The following NEIL2 variants were observed in gnomAD, a reference collection of about 807,000 sequenced individuals.
NEIL2 encodes nei like DNA glycosylase 2, also known as endonuclease 8-like 2.
In NEIL2, 23 loss-of-function variants were observed where a neutral mutation model predicts 22.2. That is an observed-to-expected ratio of 1.04 (90% CI 0.75 to 1.47). The LOEUF is 1.47. Among genes scored for constraint, NEIL2 ranks in the 40% most tolerant of loss-of-function variants. The probability of loss-of-function intolerance (pLI) is 0.00; values close to 1 mark genes in which losing one functional copy is unlikely to be tolerated. For missense variants in NEIL2, 583 were observed against 404.7 expected, an observed-to-expected ratio of 1.44 and a Z score of -3.78; for synonymous variants, 229 against 164.8, an observed-to-expected ratio of 1.39 and a Z score of -2.99.
intron 2 of NEIL2, among the ~76,000 whole-genome samples, chr8:11,778,072 G>C (rs114438749): frequency 6.6e-6 from 1 of 152,194 alleles, no homozygotes; most frequent in East Asian, 1.9e-4. Flanking sequence ...GTGAATTGAA[G>C]TGGCTGCAGT....
Position 11,779,835 on chromosome 8 carries a change from G to A in NEIL2, c.376G>A (p.Asp126Asn). 1 of 1,614,202 alleles carries A rather than the reference G, an allele frequency of 6.2e-7. No homozygotes were observed. The highest frequency in any genetic ancestry group is 1.3e-5 in the African/African-American group (1 of 75,060). ...TTTGGAGAGAGACGCCCCTGCAGGA[G>A]ATGCTGGGAGGTGGCTGCGTGTCAG... ...EYLERDAPAG[D>N]AGRWLRVSFG... is the part of the protein sequence containing the mutation. The change falls in exon 3 of 5, where the codon GAT (aspartate) becomes AAT (asparagine). Residue 126 changes from aspartate (D) to asparagine (N), a missense_variant. Transcript: ENST00000284503.
rs1804222921 is a variant in NEIL2, at chr8:11,779,679, C to T, written c.220C>T (p.Pro74Ser). ...TGGCAGCAGCCCAACACCAGAGCCT[C>T]CACAAAAAGAAGTGCAGAAGGAAGG... ...PPGSSPTPEPPQKEVQKEGAA... is the reference protein window; with the variant it reads ...PPGSSPTPEPSQKEVQKEGAA... The change falls in exon 3 of 5, where the codon CCA becomes TCA. Residue 74 changes from proline (P) to serine (S), a missense_variant. Physicochemically the swap from Pro to Ser is moderately conservative, Grantham distance 74 (BLOSUM62 -1). Coordinates refer to ENST00000284503, the MANE Select transcript of NEIL2 (RefSeq NM_145043.4). 1 of 1,613,914 alleles carries T rather than the reference C, an allele frequency of 6.2e-7. No homozygotes were observed. The highest frequency in any genetic ancestry group is 8.5e-7 in the Non-Finnish European group (1 of 1,179,960).
intron 2 of NEIL2, among the ~76,000 whole-genome samples, chr8:11,772,374 G>A (rs1043774009): frequency 1.3e-5 from 2 of 152,146 alleles, no homozygotes; most frequent in Non-Finnish European, 2.9e-5. Context: ...TCTTCTTAGT[G>A]TTTCTGTCCG....
In NEIL2 at chr8:11,779,640, G is replaced by C. The variant is rs1804217130; in HGVS notation, c.181G>C (p.Glu61Gln). 18 of 1,613,558 alleles carry C rather than the reference G, an allele frequency of 1.1e-5. No individual in the cohort carries two copies. The highest frequency in any genetic ancestry group is 1.4e-5 in the Non-Finnish European group (17 of 1,179,950). The change falls in exon 3 of 5, where the codon GAA (glutamate) becomes CAA (glutamine). Residue 61 changes from glutamate (E) to glutamine (Q), a missense_variant. By Grantham distance (29) the Glu-to-Gln change is conservative (BLOSUM62 2). Coordinates refer to ENST00000284503, the MANE Select transcript of NEIL2 (RefSeq NM_145043.4). ...KLFLRFDLDE[E>Q]MGPPGSSPTP... is the part of the protein sequence containing the mutation. ...ATTCCTTAGATTTGATCTAGATGAAGAAATGGGGCCCCCTGGCAGCAGCCC... is the reference window on the plus strand; with the variant it reads ...ATTCCTTAGATTTGATCTAGATGAACAAATGGGGCCCCCTGGCAGCAGCCC...
In NEIL2 at chr8:11,779,784, C is replaced by T. The variant is rs1318474214; in HGVS notation, c.325C>T (p.Pro109Ser). The T allele has an allele frequency of 1.2e-6, 2 of 1,614,092 alleles. No individual in the cohort carries two copies. Among genetic ancestry groups the T allele is most frequent in the Non-Finnish European group, 1.7e-6 (2 of 1,180,052 alleles). ...ATCCTCACGGTCTGCAGAGCTCGTC[C>T]CCCAGGGCGAGGATGATTCTGAGTA... ...DGSSRSAELV[P>S]QGEDDSEYLE... is the part of the protein sequence containing the mutation. The change falls in exon 3 of 5, where the codon CCC becomes TCC. Residue 109 changes from proline to serine, a missense_variant. By Grantham distance (74) the Pro-to-Ser change is moderately conservative (BLOSUM62 -1). Transcript: ENST00000284503.
At chr8:11,785,755 A>G (rs1446750337) in intron 4 of NEIL2, among the ~76,000 whole-genome samples, 2 of 152,198 alleles carry the variant, frequency 1.3e-5, no homozygotes, top group Non-Finnish European at 2.9e-5. Context: ...CGGGCCATGC[A>G]TGAGTTTCAT....
rs376111476 is a variant in NEIL2, at chr8:11,779,785, C to G, written c.326C>G (p.Pro109Arg). Residue 109 changes from proline to arginine, a missense_variant, in exon 3 of 5, where the codon CCC becomes CGC. Pro to Arg is a moderately radical substitution (Grantham distance 103). Transcript: ENST00000284503. ...DGSSRSAELV[P>R]QGEDDSEYLE... ...TCCTCACGGTCTGCAGAGCTCGTCC[C>G]CCAGGGCGAGGATGATTCTGAGTAT... 1 of 1,614,072 alleles carries G rather than the reference C, an allele frequency of 6.2e-7. No homozygotes were observed. Among genetic ancestry groups the G allele is most frequent in the African/African-American group, 1.3e-5 (1 of 74,920 alleles).
intron 2 of NEIL2, among the ~76,000 whole-genome samples, chr8:11,776,164 T>C (rs1394945174): frequency 6.6e-6 from 1 of 152,192 alleles, no homozygotes; most frequent in East Asian, 1.9e-4. Context: ...CTCATAATCA[T>C]GGTGGAAGGC....
chr8:11,784,328 G>T (rs919048447), intron 4 of NEIL2, among the ~76,000 whole-genome samples: 1 of 152,242 alleles, frequency 6.6e-6, no homozygotes, highest in Non-Finnish European at 1.5e-5. Context: ...ATAACGGCCA[G>T]TGTTTTCCAA....
chr8:11,775,478 G>A (rs749698412), intron 2 of NEIL2, among the ~76,000 whole-genome samples: 1 of 152,198 alleles, frequency 6.6e-6, no homozygotes, highest in Non-Finnish European at 1.5e-5. Flanking sequence ...GATGGGAGGG[G>A]CTGCTGTGAA....
In NEIL2 at chr8:11,779,717, A is replaced by C; in HGVS notation, c.258A>C (p.Pro86=). Residue 86 remains proline (P), a synonymous_variant, in exon 3 of 5, where the codon CCA becomes CCC. Transcript: ENST00000284503. ...KEVQKEGAAD[P]KQVGEPSGQK... is the part of the protein sequence containing the mutation. The stretch of plus-strand genomic sequence containing the variant: ...TGCAGAAGGAAGGGGCTGCGGACCC[A>C]AAGCAGGTCGGGGAGCCCAGCGGGC... 6.2e-7 allele frequency: 1 copy of C among 1,614,216 alleles called. No individual in the cohort carries two copies. The highest frequency in any genetic ancestry group is 1.1e-5 in the South Asian group (1 of 91,086).
chr8:11,771,689 C>G, intron 2 of NEIL2, 104 bp downstream of exon 2: 2 of 1,263,672 alleles, frequency 1.6e-6, no homozygotes, highest in Non-Finnish European at 2.2e-6. Context: ...GAGTCCGGAA[C>G]CACCAAGCTC....
intron 2 of NEIL2, among the ~76,000 whole-genome samples, chr8:11,774,444 A>T (rs1159267751): frequency 6.6e-6 from 1 of 152,110 alleles, no homozygotes; most frequent in African/African-American, 2.4e-5. Flanking sequence ...AGCCCCCATG[A>T]TTCAATTACC....
intron 2 of NEIL2, among the ~76,000 whole-genome samples, chr8:11,774,159 T>C (rs970731692): frequency 1.3e-5 from 2 of 152,146 alleles, no homozygotes; most frequent in African/African-American, 4.8e-5. Flanking sequence ...GCAGGTCGCC[T>C]GAGGTCAGGA....
At chr8:11,781,173 T>C (rs957541914) in intron 3 of NEIL2, among the ~76,000 whole-genome samples, 1 of 151,844 alleles carries the variant, frequency 6.6e-6, no homozygotes, top group Non-Finnish European at 1.5e-5. Context: ...TAGTCTTTAT[T>C]TGTGTGGCCT....
chr8:11,782,805 T>C (rs571414340), intron 3 of NEIL2: 1 of 339,464 alleles, frequency 2.9e-6, no homozygotes, highest in African/African-American at 2.2e-5. Flanking sequence ...TATGTGTGTA[T>C]GATCCAGCCA....
In NEIL2 at chr8:11,779,766, C is replaced by T. The variant is rs8191612; in HGVS notation, c.307C>T (p.Arg103Trp). 4,253 of 1,614,162 alleles carry T rather than the reference C, an allele frequency of 2.6e-3. 82 individuals are homozygous for T. The African/African-American group carries it at 0.048, about 18-fold the overall frequency. Residue 103 changes from arginine to tryptophan, a missense_variant, in exon 3 of 5, where the codon CGG becomes TGG. By Grantham distance (101) the Arg-to-Trp change is moderately radical. Transcript: ENST00000284503. ...GCAGAAGACCCTTGATGGATCCTCA[C>T]GGTCTGCAGAGCTCGTCCCCCAGGG... ...SGQKTLDGSSRSAELVPQGED... is the reference protein window; with the variant it reads ...SGQKTLDGSSWSAELVPQGED...
chr8:11,786,360 G>C lies in NEIL2; in HGVS notation c.*87G>C, dbSNP rs1804955162. On this transcript the variant is annotated 3_prime_UTR_variant, in exon 5 of 5. Transcript: ENST00000284503. The stretch of plus-strand genomic sequence containing the variant: ...GAAAGGAGGATGTGGGCAGGGACGG[G>C]GTACAGAGGATAGTGTGGGTCAGAG... The C allele has an allele frequency of 2.3e-6, 3 of 1,332,036 alleles. No individual in the cohort carries two copies. Among genetic ancestry groups the C allele is most frequent in the South Asian group, 1.2e-5 (1 of 80,198 alleles). 82.5% of individuals were successfully genotyped at this position (1,332,036 alleles called of 1,614,324 possible). A position where few individuals can be genotyped will look rare whatever the true frequency, so the allele number is the denominator to read the frequency against.
In NEIL2 at chr8:11,769,784, C is replaced by T. The variant is rs1397386274; in HGVS notation, c.-554C>T. 1 of 152,324 alleles carries T rather than the reference C, an allele frequency of 6.6e-6. No homozygotes were observed. The highest frequency in any genetic ancestry group is 2.4e-5 in the African/African-American group (1 of 41,460). The allele number at this position is 152,324 out of a possible 1,614,324, so 9.4% of individuals were successfully genotyped here. A position where few individuals can be genotyped will look rare whatever the true frequency, so the allele number is the denominator to read the frequency against. ...GGGTCGGGCCGACGTGCCACCCACC[C>T]GGAGCCGGTGAGTGCAGCCGCCCGC... On this transcript the variant is annotated 5_prime_UTR_variant, in exon 1 of 5. Coordinates refer to ENST00000284503, the MANE Select transcript of NEIL2 (RefSeq NM_145043.4).
Sources: allele counts gnomAD v4.1 joint callset (sites outside exome capture counted in the v4.1 genomes callset), GRCh38; gene constraint gnomAD v4.1.1; transcripts MANE v1.5; gene names NCBI Gene and HGNC (gene_info 2026-07-23, HGNC 2026-07-21).